The following RBFOX2 variants were observed in gnomAD, a reference collection of about 807,000 sequenced individuals.
The protein encoded by RBFOX2 is RNA binding protein fox-1 homolog 2.
RBFOX2 carries 10 observed loss-of-function variants against 49.1 expected under a neutral mutation model. The ratio of observed to expected loss-of-function variants is 0.20; its 90% CI spans 0.13 to 0.35. The LOEUF (loss-of-function observed/expected upper bound fraction) is 0.35, where lower values mean the gene tolerates loss of function less well. Among genes scored for constraint, RBFOX2 ranks in the 10% least tolerant of loss-of-function variants. The probability of loss-of-function intolerance (pLI) is 1.00; values close to 1 mark genes in which losing one functional copy is unlikely to be tolerated. For missense variants in RBFOX2, 323 were observed against 486.9 expected (o/e 0.66, Z 3.17); for synonymous variants, 183 against 187.4 (o/e 0.98, Z 0.19).
intron 9 of RBFOX2, 89 bp downstream of exon 11, chr22:35,756,016 A>T (rs1392832464): frequency 6.2e-6 from 6 of 974,200 alleles, no homozygotes; most frequent in Non-Finnish European, 6.8e-6. Context: ...AATTAAAAGG[A>T]AAAAAACCAA....
rs376523134 is a variant in RBFOX2, at chr22:35,744,326, A to G, written c.1050-77T>C. ...TAACAGTGAAGAAAAATGTCCAGAG[A>G]GGGATCTAGAAACAGCCTGCTTCGA... On this transcript the variant is annotated intron_variant, in intron 11 of 11. Coordinates refer to ENST00000405409, the Ensembl canonical transcript of RBFOX2. The G allele has an allele frequency of 1.8e-5, 24 of 1,366,086 alleles. No individual in the cohort carries two copies. In the African/African-American group the frequency reaches 3.1e-4, roughly 17 times the overall value. 84.6% of individuals were successfully genotyped at this position (1,366,086 alleles called of 1,614,324 possible). A position where few individuals can be genotyped will look rare whatever the true frequency, so the allele number is the denominator to read the frequency against.
chr22:35,750,563 G>C, intron 9 of RBFOX2: 1 of 734,232 alleles, frequency 1.4e-6, no homozygotes, highest in South Asian at 1.7e-5. Flanking sequence ...CTGATAGCTG[G>C]ATAAATTTGG....
intron 1 of RBFOX2, chr22:35,897,539 C>T (rs1365120212): frequency 2.4e-6 from 2 of 843,542 alleles, no homozygotes; most frequent in South Asian, 1.3e-5. Context: ...GGAGGAAGTA[C>T]CCCTTTGCTG....
intron 1 of RBFOX2, among the ~76,000 whole-genome samples, chr22:35,826,250 G>A (rs1270306108): frequency 6.7e-6 from 1 of 149,492 alleles, no homozygotes; most frequent in African/African-American, 2.5e-5. Context: ...GCTGAAGCAG[G>A]AGAACTGCTT....
chr22:35,865,761 G>T (rs1393895633), intron 1 of RBFOX2, among the ~76,000 whole-genome samples: 1 of 152,124 alleles, frequency 6.6e-6, no homozygotes, highest in Non-Finnish European at 1.5e-5. Context: ...GCCTAATATA[G>T]GGTACATGTA....
intron 1 of RBFOX2, among the ~76,000 whole-genome samples, chr22:35,898,875 C>G (rs1312816200): frequency 6.6e-6 from 1 of 152,038 alleles, no homozygotes; most frequent in East Asian, 1.9e-4. Context: ...GCCTGTCATC[C>G]CAGCACTTTG....
chr22:36,020,554 A>G (rs1379149978), intron 1 of RBFOX2, among the ~76,000 whole-genome samples: 1 of 152,254 alleles, frequency 6.6e-6, no homozygotes, highest in East Asian at 1.9e-4. Context: ...ATTTACAAGA[A>G]AAAATCAAAC....
chr22:35,746,077 TTG>T (rs1932633827), intron 10 of RBFOX2, 82 bp from the exon 13 acceptor site: 1 of 1,219,908 alleles, frequency 8.2e-7, no homozygotes, highest in South Asian at 1.3e-5. Context: ...GCTTTAAGAC[TTG>T]TGAGTCACTT....
intron 1 of RBFOX2, among the ~76,000 whole-genome samples, chr22:35,869,288 G>C (rs563448931): frequency 6.6e-6 from 1 of 151,898 alleles, no homozygotes; most frequent in South Asian, 2.1e-4. Context: ...CTCCCTAGTA[G>C]CTGGGATTAC....
intron 1 of RBFOX2, among the ~76,000 whole-genome samples, chr22:35,934,355 C>T (rs1488497184): frequency 1.3e-5 from 2 of 151,856 alleles, no homozygotes; most frequent in Non-Finnish European, 1.5e-5. Flanking sequence ...AAATATTTCC[C>T]CACTTCAACC....
chr22:35,804,055 A>G lies in RBFOX2; in HGVS notation c.252+5725T>C, dbSNP rs186138338. On this transcript the variant is annotated intron_variant, in intron 2 of 11. Transcript: ENST00000405409. ...AGCACTTTGGGAGGCCGAGGCAGGC[A>G]GATCATGAGGTCAGGTGTTTGAGAC... 2.6e-3 allele frequency among the ~76,000 whole-genome samples: 401 copies of G among 152,284 alleles called. 4 individuals are homozygous for G. Among genetic ancestry groups the G allele is most frequent in the African/African-American group, 9.4e-3 (391 of 41,556 alleles).
intron 1 of RBFOX2, among the ~76,000 whole-genome samples, chr22:35,868,589 TAAAAAA>T: frequency 6.8e-6 from 1 of 147,102 alleles, no homozygotes; most frequent in East Asian, 2.0e-4. Flanking sequence ...GTCTCTATTT[TAAAAAA>T]AAAAAAATTA....
upstream of RBFOX2, among the ~76,000 whole-genome samples, chr22:35,966,174 CTG>C (rs1485223106): frequency 6.6e-6 from 1 of 152,170 alleles, no homozygotes; most frequent in Non-Finnish European, 1.5e-5. Flanking sequence ...CACATTATAT[CTG>C]TAAAACTGAT....
rs186978901 is a variant in RBFOX2 at position 35,847,680 on chromosome 22, C to T, written c.-33-37676G>A. ...GTTTTTTTTTAATCCCATTAGCTTTCCTATGTGGCAGAATGGAGAGTAAAC... is the reference window on the plus strand; with the variant it reads ...GTTTTTTTTTAATCCCATTAGCTTTTCTATGTGGCAGAATGGAGAGTAAAC... On this transcript the variant is annotated intron_variant, in intron 1 of 13. Transcript: ENST00000359369. 3.2e-3 allele frequency among the ~76,000 whole-genome samples: 488 copies of T among 151,920 alleles called. 3 individuals carry two copies. Among genetic ancestry groups the T allele is most frequent in the Non-Finnish European group, 4.0e-3 (269 of 67,926 alleles).
intron 1 of RBFOX2, among the ~76,000 whole-genome samples, chr22:36,003,111 G>C (rs1215014891): frequency 6.6e-6 from 1 of 152,062 alleles, no homozygotes; most frequent in African/African-American, 2.4e-5. Context: ...TTATCAACTG[G>C]GCCTGCTGGT....
chr22:35,825,571 G>T (rs1161641546), intron 1 of RBFOX2, among the ~76,000 whole-genome samples: 1 of 152,212 alleles, frequency 6.6e-6, no homozygotes, highest in Non-Finnish European at 1.5e-5. Flanking sequence ...TTTAGGCTCT[G>T]CAATGAATGT....
intron 3 of RBFOX2, among the ~76,000 whole-genome samples, chr22:35,780,840 C>T (rs1197764927): frequency 6.6e-6 from 1 of 152,114 alleles, no homozygotes; most frequent in Admixed American, 6.5e-5. Context: ...ATACTCTTTC[C>T]ACTTCAATAA....
At chr22:35,872,211 T>C (rs951632764) in intron 1 of RBFOX2, among the ~76,000 whole-genome samples, 2 of 152,164 alleles carry the variant, frequency 1.3e-5, no homozygotes, top group African/African-American at 4.8e-5. Flanking sequence ...GGTTCTCTTG[T>C]TCCCCCTTGC....
Position 35,819,700 on chromosome 22 carries a change from A to G in RBFOX2, c.28-9696T>C, listed in dbSNP as rs552172289. 1.2e-4 allele frequency among the ~76,000 whole-genome samples: 18 copies of G among 152,326 alleles called. No homozygotes were observed. The South Asian group carries it at 2.5e-3, about 21-fold the overall frequency. On this transcript the variant is annotated intron_variant, in intron 1 of 11. Coordinates refer to ENST00000405409, the Ensembl canonical transcript of RBFOX2. ...TGTTCTAGCTGCTGATGAAACAACG[A>G]TGATTAAAAAGACAAAGTCCCTGCC...
Sources: gnomAD v4.1 joint callset for allele counts (sites outside exome capture counted in the v4.1 genomes callset) on GRCh38, gnomAD v4.1.1 for gene constraint, MANE v1.5 for transcripts, NCBI Gene and HGNC (gene_info 2026-07-23, HGNC 2026-07-21) for gene names.